The following RAB3C variants were observed in gnomAD, a reference collection of about 807,000 sequenced individuals.
The protein encoded by RAB3C is ras-related protein Rab-3C.
A neutral mutation model predicts 26.4 loss-of-function variants in RAB3C; 17 were observed. That is an observed-to-expected ratio of 0.64 (90% CI 0.44 to 0.97). The LOEUF is 0.97. Ranked by LOEUF, RAB3C falls within the 50% of genes least tolerant of loss-of-function variation. The probability of loss-of-function intolerance (pLI) is 0.00; values close to 1 mark genes in which losing one functional copy is unlikely to be tolerated. For synonymous variants in RAB3C, 91 were observed against 95.9 expected (o/e 0.95, Z 0.30); for missense variants, 242 against 281.9 (o/e 0.86, Z 1.01).
intron 4 of RAB3C, among the ~76,000 whole-genome samples, chr5:58,833,671 A>T (rs537614239): frequency 2.2e-4 from 34 of 152,342 alleles, no homozygotes; most frequent in Non-Finnish European, 3.2e-4. Flanking sequence ...CATCCAGAAA[A>T]GTCAGAGAGT....
chr5:58,783,616 T>C (rs191268399), intron 3 of RAB3C, among the ~76,000 whole-genome samples: 2 of 152,340 alleles, frequency 1.3e-5, no homozygotes, highest in Admixed American at 1.3e-4. Context: ...ATTTTCCATA[T>C]AGTACTTGCT....
intron 2 of RAB3C, among the ~76,000 whole-genome samples, chr5:58,671,376 G>A (rs1392972774): frequency 3.9e-5 from 6 of 152,136 alleles, no homozygotes; most frequent in East Asian, 1.9e-4. Context: ...GCTTCAAAAC[G>A]AAGGCTGTCT....
At chr5:58,825,231 CGAGCTAA>C in intron 4 of RAB3C, 69 bp downstream of exon 4, 1 of 1,443,968 alleles carries the variant, frequency 6.9e-7, no homozygotes, top group Admixed American at 2.2e-5. Context: ...GTACAGAGTC[CGAGCTAA>C]TTGTCAGGGT....
chr5:58,819,553 G>A (rs1018122938), intron 3 of RAB3C, among the ~76,000 whole-genome samples: 2 of 152,090 alleles, frequency 1.3e-5, no homozygotes, highest in Non-Finnish European at 2.9e-5. Context: ...AGCATTTTAC[G>A]AATTCTAAGA....
intron 4 of RAB3C, among the ~76,000 whole-genome samples, chr5:58,845,612 A>ATGTGTGTGTGTGTGTGTG (rs1289870360): frequency 2.0e-4 from 16 of 81,716 alleles, no homozygotes; most frequent in African/African-American, 8.7e-4. Context: ...ATATATATAT[A>ATGTGTGTGTGTGTGTGTG]TGTGTGTGTG....
At chr5:58,774,378 G>C (rs888853532) in intron 3 of RAB3C, among the ~76,000 whole-genome samples, 1 of 151,948 alleles carries the variant, frequency 6.6e-6, no homozygotes, top group Non-Finnish European at 1.5e-5. Context: ...CCTTTCTTCT[G>C]TACCTCTCTT....
intron 3 of RAB3C, among the ~76,000 whole-genome samples, chr5:58,808,989 T>G (rs780112625): frequency 5.7e-4 from 87 of 152,214 alleles, no homozygotes; most frequent in Non-Finnish European, 1.1e-3. Context: ...CTCCAGTGCA[T>G]TTGCATTAAC....
intron 3 of RAB3C, among the ~76,000 whole-genome samples, chr5:58,726,510 A>G (rs112660172): frequency 1.3e-5 from 2 of 152,030 alleles, no homozygotes; most frequent in African/African-American, 4.8e-5. Flanking sequence ...TAGTAAATCA[A>G]CTTTTATTAG....
At chr5:58,715,992 C>A (rs943627762) in intron 2 of RAB3C, among the ~76,000 whole-genome samples, 2 of 146,270 alleles carry the variant, frequency 1.4e-5, no homozygotes, top group Non-Finnish European at 3.0e-5. Flanking sequence ...AACTAACCTG[C>A]ACAATGTGCA....
At chr5:58,685,125 A>G (rs1269802367) in intron 2 of RAB3C, among the ~76,000 whole-genome samples, 3 of 152,154 alleles carry the variant, frequency 2.0e-5, no homozygotes, top group Non-Finnish European at 4.4e-5. Flanking sequence ...ATACATGCTA[A>G]TCCCTCATAG....
upstream of RAB3C, among the ~76,000 whole-genome samples, chr5:58,582,644 C>T (rs1320348716): frequency 6.6e-6 from 1 of 152,152 alleles, no homozygotes; most frequent in East Asian, 1.9e-4. Flanking sequence ...TAGAAACTTT[C>T]CCGATTCGGA....
chr5:58,718,234 A>G, intron 2 of RAB3C, among the ~76,000 whole-genome samples: 1 of 152,138 alleles, frequency 6.6e-6, no homozygotes, highest in Non-Finnish European at 1.5e-5. Flanking sequence ...TGTGTTAAAC[A>G]TTCTTAGAAA....
chr5:58,694,497 A>C (rs563455271), intron 2 of RAB3C, among the ~76,000 whole-genome samples: 2 of 152,196 alleles, frequency 1.3e-5, no homozygotes, highest in Non-Finnish European at 2.9e-5. Flanking sequence ...TAGATCCTTG[A>C]GGAATCACCA....
chr5:58,589,501 G>A (rs1746083060), intron 1 of RAB3C, among the ~76,000 whole-genome samples: 1 of 152,140 alleles, frequency 6.6e-6, no homozygotes. Flanking sequence ...TTTGTTAAAT[G>A]TCTACTAGAG....
At chr5:58,752,677 C>G (rs1303590231) in intron 3 of RAB3C, among the ~76,000 whole-genome samples, 1 of 151,928 alleles carries the variant, frequency 6.6e-6, no homozygotes, top group Non-Finnish European at 1.5e-5. Flanking sequence ...AAGTGAAGTA[C>G]CAAATAAATA....
chr5:58,817,971 G>T (rs186685024), intron 3 of RAB3C, among the ~76,000 whole-genome samples: 1 of 152,330 alleles, frequency 6.6e-6, no homozygotes, highest in East Asian at 1.9e-4. Context: ...AGCAATATTA[G>T]CTTCCAGAAT....
intron 2 of RAB3C, among the ~76,000 whole-genome samples, chr5:58,645,482 G>C (rs1374226303): frequency 1.3e-5 from 2 of 152,154 alleles, no homozygotes; most frequent in Non-Finnish European, 2.9e-5. Flanking sequence ...AGTTTTAAAA[G>C]TGATAAAAAG....
intron 2 of RAB3C, among the ~76,000 whole-genome samples, chr5:58,705,085 T>C (rs1312516253): frequency 6.6e-6 from 1 of 152,192 alleles, no homozygotes; most frequent in Non-Finnish European, 1.5e-5. Context: ...GATAATTTTT[T>C]TCCTGGATCT....
In RAB3C at chr5:58,607,791, G is replaced by C. The variant is rs564650701; in HGVS notation, c.25-9852G>C. Among the ~76,000 whole-genome samples the C allele has an allele frequency of 1.9e-3, 292 of 152,272 alleles. 1 individual carries two copies. Among genetic ancestry groups the C allele is most frequent in the African/African-American group, 6.4e-3 (264 of 41,568 alleles). On this transcript the variant is annotated intron_variant, in intron 1 of 4. Transcript: ENST00000282878. ...CTTAAAGAAAAGAATTTTCATCCCA[G>C]AATCTCATATCCAGCCAAACTAAGC...
Sources: allele counts gnomAD v4.1 joint callset (sites outside exome capture counted in the v4.1 genomes callset), GRCh38; gene constraint gnomAD v4.1.1; transcripts MANE v1.5; gene names NCBI Gene and HGNC (gene_info 2026-07-23, HGNC 2026-07-21).